WTAP: variants seen among roughly 807,000 people sequenced by gnomAD.
WTAP encodes WT1 associated protein.
Under a neutral mutation model 50.0 loss-of-function variants are expected in WTAP, and 8 were observed. The observed-to-expected ratio is 0.16, with a 90% CI of 0.09 to 0.29. WTAP has a LOEUF of 0.29. Among genes scored for constraint, WTAP ranks in the 10% least tolerant of loss-of-function variants. The pLI is 1.00. For missense variants in WTAP, 295 were observed against 470.7 expected, an observed-to-expected ratio of 0.63 and a Z score of 3.45; for synonymous variants, 194 against 169.0, an observed-to-expected ratio of 1.15 and a Z score of -1.15.
chr6:159,741,865 A>G (rs1004219305), intron 3 of WTAP: 2 of 394,544 alleles, frequency 5.1e-6, no homozygotes, highest in African/African-American at 4.3e-5. Flanking sequence ...GCTATACAGG[A>G]AGCTGAGGCA....
At chr6:159,751,042 C>T (rs1779801458) in intron 6 of WTAP, among the ~76,000 whole-genome samples, 1 of 152,180 alleles carries the variant, frequency 6.6e-6, no homozygotes, top group Non-Finnish European at 1.5e-5. Context: ...AGAGGTATAT[C>T]TTTCAAAGTG....
At chr6:159,745,427 C>T (rs1779518370) in intron 5 of WTAP, among the ~76,000 whole-genome samples, 1 of 151,866 alleles carries the variant, frequency 6.6e-6, no homozygotes. Context: ...TGGAACCTAA[C>T]CTTTTCCAGC....
chr6:159,734,527 T>G (rs1778787691), intron 1 of WTAP, among the ~76,000 whole-genome samples: 1 of 152,138 alleles, frequency 6.6e-6, no homozygotes, highest in Non-Finnish European at 1.5e-5. Context: ...AAATAATAAC[T>G]AGGGCTGGGC....
chr6:159,738,356 T>G (rs1248738829), intron 2 of WTAP, among the ~76,000 whole-genome samples: 2 of 152,208 alleles, frequency 1.3e-5, no homozygotes, highest in Non-Finnish European at 2.9e-5. Flanking sequence ...GAGACTATTT[T>G]TTTTCCTTCC....
intron 1 of WTAP, among the ~76,000 whole-genome samples, chr6:159,730,201 T>C (rs1450630842): frequency 1.3e-5 from 2 of 152,214 alleles, no homozygotes; most frequent in Non-Finnish European, 2.9e-5. Flanking sequence ...ATTTTCATCC[T>C]GGAAAATGGG....
intron 1 of WTAP, among the ~76,000 whole-genome samples, chr6:159,729,230 T>C (rs1264479780): frequency 6.6e-6 from 1 of 152,192 alleles, no homozygotes; most frequent in Non-Finnish European, 1.5e-5. Flanking sequence ...ATTTGCTTCT[T>C]GCTCCTCAAA....
At chr6:159,731,317 A>G (rs928593855) in intron 1 of WTAP, among the ~76,000 whole-genome samples, 8 of 151,708 alleles carry the variant, frequency 5.3e-5, no homozygotes, top group Admixed American at 3.3e-4. Context: ...AAAAAAAACA[A>G]ATTAGCTGGG....
At chr6:159,733,672 G>A (rs1184037052) in intron 1 of WTAP, among the ~76,000 whole-genome samples, 2 of 151,344 alleles carry the variant, frequency 1.3e-5, no homozygotes, top group Non-Finnish European at 2.9e-5. Flanking sequence ...CCCAGCACTT[G>A]GGAGGCTGAG....
upstream of WTAP, chr6:159,727,327 C>T (rs1048286872): frequency 1.6e-6 from 2 of 1,269,834 alleles, no homozygotes; most frequent in Middle Eastern, 2.2e-4. Flanking sequence ...TGAAAGGCGA[C>T]TCTCCTGTGA....
chr6:159,742,130 G>A lies in WTAP; in HGVS notation c.129G>A (p.Lys43=). The change falls in exon 4 of 8, where the codon AAG becomes AAA. Residue 43 remains lysine (K), a synonymous_variant. Transcript: ENST00000621533. ...YEAYVQALEG[K]YTDLNSNDVT... is the part of the protein sequence containing the mutation. ...CATATGTACAAGCTTTGGAGGGCAA[G>A]TACACAGATCTTAACTGTAAGTTTG... 1.2e-6 allele frequency: 2 copies of A among 1,608,010 alleles called. No homozygotes were observed. The highest frequency in any genetic ancestry group is 1.1e-5 in the South Asian group (1 of 89,352).
Position 159,755,583 on chromosome 6 carries a change from G to A in WTAP, c.1163G>A (p.Ser388Asn). The A allele has an allele frequency of 6.2e-7, 1 of 1,613,262 alleles. No individual in the cohort carries two copies. The highest frequency in any genetic ancestry group is 8.5e-7 in the Non-Finnish European group (1 of 1,179,654). Residue 388 changes from serine (S) to asparagine (N), a missense_variant, in exon 8 of 8, where the codon AGT becomes AAT. Transcript: ENST00000621533. ...CACGTTCAGAATGGCTTGGACTCAA[G>A]TGTAAATGTACAGGGTTCAGTTTTG... ...SRHVQNGLDS[S>N]VNVQGSVL is the part of the protein sequence containing the mutation.
chr6:159,728,804 T>C (rs1322728374), intron 1 of WTAP, among the ~76,000 whole-genome samples: 3 of 152,248 alleles, frequency 2.0e-5, no homozygotes, highest in African/African-American at 7.2e-5. Flanking sequence ...GGTAGGTGTG[T>C]TTCTTACAGT....
chr6:159,751,789 C>T (rs1012694161), intron 6 of WTAP, among the ~76,000 whole-genome samples: 3 of 152,152 alleles, frequency 2.0e-5, no homozygotes, highest in African/African-American at 7.2e-5. Flanking sequence ...CAGCCAGGCA[C>T]GGTGGCTCAT....
chr6:159,744,168 T>G (rs1256856075), intron 5 of WTAP, among the ~76,000 whole-genome samples: 1 of 152,200 alleles, frequency 6.6e-6, no homozygotes, highest in Non-Finnish European at 1.5e-5. Flanking sequence ...TGTTCTCTTG[T>G]CCCCTCTGTG....
chr6:159,728,114 C>G (rs936124804), intron 1 of WTAP, among the ~76,000 whole-genome samples: 2 of 152,388 alleles, frequency 1.3e-5, no homozygotes, highest in South Asian at 2.1e-4. Context: ...AACATTCGTT[C>G]CCTACATTTC....
rs1489462820 is a variant in WTAP at position 159,739,011 on chromosome 6, T to C, written c.52T>C (p.Phe18Leu). 6.2e-7 allele frequency: 1 copy of C among 1,612,462 alleles called. No homozygotes were observed. The highest frequency in any genetic ancestry group is 1.7e-5 in the Admixed American group (1 of 59,840). ...ATAGGTTCGATTGAGTGAAACAGACTTCAAAGTTATGGCAAGAGATGAGTT... is the reference window on the plus strand; with the variant it reads ...ATAGGTTCGATTGAGTGAAACAGACCTCAAAGTTATGGCAAGAGATGAGTT... The part of the protein sequence containing the change: ...PKKVRLSETD[F>L]KVMARDELIL... The change falls in exon 3 of 8, where the codon TTC becomes CTC. Residue 18 changes from phenylalanine (F) to leucine (L), a missense_variant. Physicochemically the swap from Phe to Leu is conservative, Grantham distance 22. Coordinates refer to ENST00000621533, the MANE Select transcript of WTAP (RefSeq NM_001270531.2).
At chr6:159,735,601 G>T (rs2758314) in intron 1 of WTAP, among the ~76,000 whole-genome samples, 117,832 of 151,840 alleles carry the variant, frequency 0.78, 46,016 homozygotes, top group South Asian at 0.85. Context: ...ATACAAAAAT[G>T]AGCCAGGTGT....
chr6:159,752,059 T>C (rs1779840161), intron 6 of WTAP, among the ~76,000 whole-genome samples: 1 of 137,006 alleles, frequency 7.3e-6, no homozygotes, highest in Non-Finnish European at 1.6e-5. Flanking sequence ...GAGACCCCCA[T>C]CTCAAAAAAA....
chr6:159,732,461 T>C (rs377701907), intron 1 of WTAP, among the ~76,000 whole-genome samples: 81 of 152,336 alleles, frequency 5.3e-4, no homozygotes, highest in African/African-American at 1.8e-3. Flanking sequence ...TGTTCGTATA[T>C]ACATAGATAC....
Sources: gnomAD v4.1 joint callset for allele counts (sites outside exome capture counted in the v4.1 genomes callset) on GRCh38, gnomAD v4.1.1 for gene constraint, MANE v1.5 for transcripts, NCBI Gene and HGNC (gene_info 2026-07-23, HGNC 2026-07-21) for gene names.